Variants in DTNB observed in about 807,000 individuals in gnomAD.
The protein encoded by DTNB is DTN-B.
A neutral mutation model predicts 90.7 loss-of-function variants in DTNB; 63 were observed. The observed-to-expected ratio is 0.69, with a 90% CI of 0.57 to 0.86. DTNB has a LOEUF of 0.86. DTNB is among the 40% of genes least tolerant of loss of function. The pLI is 0.00. For synonymous variants in DTNB, 277 were observed against 286.7 expected (o/e 0.97, Z 0.34); for missense variants, 744 against 807.1 (o/e 0.92, Z 0.95).
intron 4 of DTNB, among the ~76,000 whole-genome samples, chr2:25,619,408 T>C (rs1343925625): frequency 6.6e-6 from 1 of 152,364 alleles, no homozygotes; most frequent in East Asian, 1.9e-4. Context: ...AATAATCAAC[T>C]GCAAATCAAG....
At chr2:25,477,754 A>G (rs1227227266) in intron 10 of DTNB, among the ~76,000 whole-genome samples, 1 of 152,154 alleles carries the variant, frequency 6.6e-6, no homozygotes, top group Non-Finnish European at 1.5e-5. Flanking sequence ...TTTTTTCAGA[A>G]GCCACCCAAA....
chr2:25,555,863 A>G (rs2057253773), intron 8 of DTNB, among the ~76,000 whole-genome samples: 1 of 152,018 alleles, frequency 6.6e-6, no homozygotes, highest in Non-Finnish European at 1.5e-5. Flanking sequence ...TAAAAATACA[A>G]AAAAGAATTA....
At chr2:25,566,257 C>A (rs1456293756) in intron 8 of DTNB, among the ~76,000 whole-genome samples, 1 of 152,140 alleles carries the variant, frequency 6.6e-6, no homozygotes, top group Non-Finnish European at 1.5e-5. Context: ...TGGCCGCCAG[C>A]AGGAAAATGG....
chr2:25,633,037 T>A (rs1001966290), intron 3 of DTNB, among the ~76,000 whole-genome samples: 1 of 152,196 alleles, frequency 6.6e-6, no homozygotes, highest in Non-Finnish European at 1.5e-5. Flanking sequence ...ACTATGTACA[T>A]AGAAATCAAA....
rs530527170 is a variant in DTNB at position 25,534,016 on chromosome 2, A to G, written c.877-2419T>C. On this transcript the variant is annotated intron_variant, in intron 8 of 20. Coordinates refer to ENST00000406818, the MANE Select transcript of DTNB (RefSeq NM_021907.5). ...TTTTTTTTTTAATTTTTTTTTAAGT[A>G]TTTATTGATCATTCTTGGGTGTTTC... is the stretch of plus-strand genomic sequence containing the variant. Among the ~76,000 whole-genome samples the G allele has an allele frequency of 2.2e-4, 33 of 146,830 alleles. 1 individual carries two copies. The highest frequency in any genetic ancestry group is 8.3e-4 in the African/African-American group (33 of 39,598).
At chr2:25,407,132 AAAG>A in intron 16 of DTNB, among the ~76,000 whole-genome samples, 1 of 152,314 alleles carries the variant, frequency 6.6e-6, no homozygotes, top group East Asian at 1.9e-4. Context: ...ACATTTCTCA[AAAG>A]AAGATATACA....
chr2:25,513,600 G>A (rs1201895631), intron 9 of DTNB, among the ~76,000 whole-genome samples: 3 of 152,014 alleles, frequency 2.0e-5, no homozygotes, highest in African/African-American at 4.8e-5. Context: ...GCGGGTGTCC[G>A]TAGTCCTAGC....
intron 9 of DTNB, among the ~76,000 whole-genome samples, chr2:25,526,824 C>T (rs2077279086): frequency 6.6e-6 from 1 of 152,022 alleles, no homozygotes; most frequent in Non-Finnish European, 1.5e-5. Flanking sequence ...GGGACATTTC[C>T]ATAAAGGGGA....
chr2:25,378,441 G>A (rs2036506770), intron 20 of DTNB, among the ~76,000 whole-genome samples: 1 of 152,210 alleles, frequency 6.6e-6, no homozygotes, highest in African/African-American at 2.4e-5. Flanking sequence ...GGCGCGGTTG[G>A]GCAGAGAGGG....
At chr2:25,458,654 T>C (rs2060441851) in intron 10 of DTNB, among the ~76,000 whole-genome samples, 1 of 152,008 alleles carries the variant, frequency 6.6e-6, no homozygotes, top group South Asian at 2.1e-4. Context: ...TATTTATTTA[T>C]TTATTTTTGA....
intron 8 of DTNB, among the ~76,000 whole-genome samples, chr2:25,569,261 T>C (rs1003883168): frequency 3.7e-4 from 57 of 152,346 alleles, no homozygotes; most frequent in African/African-American, 1.3e-3. Flanking sequence ...TGGTGTTTAA[T>C]GTCACTAACT....
At chr2:25,448,348 G>A (rs2058733750) in intron 12 of DTNB, among the ~76,000 whole-genome samples, 2 of 152,178 alleles carry the variant, frequency 1.3e-5, no homozygotes, top group South Asian at 4.1e-4. Context: ...GTGGCTGGTT[G>A]GGGGTGGGTG....
chr2:25,506,266 G>A (rs962825535), intron 9 of DTNB, among the ~76,000 whole-genome samples: 1 of 152,074 alleles, frequency 6.6e-6, no homozygotes, highest in Non-Finnish European at 1.5e-5. Context: ...ATAATGTATT[G>A]TATATTTCAA....
chr2:25,494,991 A>C (rs2068484606), intron 9 of DTNB, among the ~76,000 whole-genome samples: 1 of 152,206 alleles, frequency 6.6e-6, no homozygotes, highest in Non-Finnish European at 1.5e-5. Flanking sequence ...TTCCAAAGAA[A>C]AGTGTCAAAT....
At chr2:25,430,926 G>C (rs1343475973) in intron 14 of DTNB, among the ~76,000 whole-genome samples, 1 of 152,158 alleles carries the variant, frequency 6.6e-6, no homozygotes, top group Middle Eastern at 3.2e-3. Context: ...AGGCATCCCT[G>C]GTGGTCAAGG....
intron 4 of DTNB, among the ~76,000 whole-genome samples, chr2:25,618,332 T>C (rs1305579588): frequency 6.6e-6 from 1 of 152,220 alleles, no homozygotes; most frequent in Non-Finnish European, 1.5e-5. Context: ...TTCCTTCTTC[T>C]TGGAAGAACT....
intron 16 of DTNB, among the ~76,000 whole-genome samples, chr2:25,406,139 C>T (rs755814264): frequency 1.3e-5 from 2 of 152,026 alleles, no homozygotes; most frequent in South Asian, 2.1e-4. Flanking sequence ...CCCACCCTTC[C>T]GATAGCCAAA....
intron 6 of DTNB, among the ~76,000 whole-genome samples, chr2:25,581,688 A>G (rs1313571784): frequency 6.6e-6 from 1 of 152,258 alleles, no homozygotes; most frequent in East Asian, 1.9e-4. Flanking sequence ...ATTCTCCACA[A>G]TATTTCAAAT....
intron 3 of DTNB, among the ~76,000 whole-genome samples, chr2:25,631,997 C>T (rs1294755384): frequency 6.6e-6 from 1 of 151,978 alleles, no homozygotes; most frequent in Non-Finnish European, 1.5e-5. Context: ...GAGTTCAAGA[C>T]CAGCCTGGCC....
Sources: gnomAD v4.1 joint callset for allele counts (sites outside exome capture counted in the v4.1 genomes callset) on GRCh38, gnomAD v4.1.1 for gene constraint, MANE v1.5 for transcripts, NCBI Gene and HGNC (gene_info 2026-07-23, HGNC 2026-07-21) for gene names.